Variants in SLC22A6 observed in about 807,000 individuals in gnomAD.
SLC22A6 encodes PAH transporter.
SLC22A6 carries 45 observed loss-of-function variants against 56.7 expected under a neutral mutation model. The observed-to-expected ratio is 0.79, with a 90% CI of 0.63 to 1.02. The LOEUF is 1.02. Ranked by LOEUF, SLC22A6 falls within the 50% of genes least tolerant of loss-of-function variation. The pLI is 0.00. For missense variants in SLC22A6, 606 were observed against 713.8 expected (o/e 0.85, Z 1.72); for synonymous variants, 291 against 295.9 (o/e 0.98, Z 0.17).
intron 8 of SLC22A6, among the ~76,000 whole-genome samples, chr11:62,979,066 A>G (rs1380973514): frequency 6.6e-6 from 1 of 152,250 alleles, no homozygotes; most frequent in Non-Finnish European, 1.5e-5. Context: ...GGATATTATC[A>G]GGAGTGAATC....
chr11:62,981,595 G>A (rs1401760708), intron 4 of SLC22A6, among the ~76,000 whole-genome samples: 2 of 152,202 alleles, frequency 1.3e-5, no homozygotes, highest in Admixed American at 6.5e-5. Context: ...GCTCTTGGTT[G>A]CGGGTAGGGG....
chr11:62,980,303 G>A (rs2086238225), intron 6 of SLC22A6, among the ~76,000 whole-genome samples: 1 of 152,222 alleles, frequency 6.6e-6, no homozygotes, highest in Non-Finnish European at 1.5e-5. Context: ...AGGCAGCTGG[G>A]AGAGTAGAGA....
chr11:62,981,615 A>G (rs1024701257), intron 4 of SLC22A6, among the ~76,000 whole-genome samples: 2 of 152,328 alleles, frequency 1.3e-5, no homozygotes, highest in South Asian at 4.1e-4. Context: ...GGAGCAGAGC[A>G]GGCAGGCTGG....
intron 1 of SLC22A6, 87 bp downstream of exon 1, chr11:62,984,235 A>C (rs1321519444): frequency 1.1e-5 from 16 of 1,484,242 alleles, no homozygotes; most frequent in Middle Eastern, 3.9e-4. Flanking sequence ...CTCAGCAGTT[A>C]ATTTCTCCAT....
intron 6 of SLC22A6, 62 bp downstream of exon 6, chr11:62,980,923 A>G: frequency 1.4e-6 from 2 of 1,402,492 alleles, no homozygotes; most frequent in East Asian, 2.3e-5. Context: ...TCTTTCACCC[A>G]TTGTGTCTCC....
Position 62,984,714 on chromosome 11 carries a change from TG to T in SLC22A6, c.-25del. The T allele has an allele frequency of 6.2e-7, 1 of 1,602,090 alleles. No individual in the cohort carries two copies. ...ATTGGGCCAGGCCCAGCCCAGTGGCTGGGGGCTGAGGCCTTCCAGTCCCAGG... is the reference window on the plus strand; with the variant it reads ...ATTGGGCCAGGCCCAGCCCAGTGGCTGGGGCTGAGGCCTTCCAGTCCCAGG... On this transcript the variant is annotated 5_prime_UTR_variant, in exon 1 of 10. Transcript: ENST00000360421.
Position 62,981,389 on chromosome 11 carries a change from A to C in SLC22A6, c.798-6T>G. On this transcript the variant is annotated splice_polypyrimidine_tract_variant and splice_region_variant and intron_variant, in intron 4 of 9. Coordinates refer to ENST00000360421, the MANE Select transcript of SLC22A6 (RefSeq NM_153276.3). ...GGGCCGACTCAATGAAGAACCTGGG[A>C]GCGGGGGTGGGGGTGGGTGTCAGCA... is the stretch of plus-strand genomic sequence containing the variant. 5.9e-5 allele frequency: 18 copies of C among 304,050 alleles called. No homozygotes were observed. The highest frequency in any genetic ancestry group is 4.2e-4 in the Middle Eastern group (1 of 2,364). 18.8% of individuals were successfully genotyped at this position (304,050 alleles called of 1,614,324 possible).
chr11:62,983,452 AGGAGGGGCAGGCTG>A lies in SLC22A6; in HGVS notation c.628+71_628+84del. On this transcript the variant is annotated intron_variant, in intron 3 of 9. Coordinates refer to ENST00000360421, the MANE Select transcript of SLC22A6 (RefSeq NM_153276.3). This position sits in a 1 kb window ranked among gnomAD's most constrained non-coding sequence, Gnocchi z 4.5. ...AGAGGCTGGAGGGCAGGCAGGGCTC[AGGAGGGGCAGGCTG>A]GGAGGGGAGGCTGGAAAGGGGTTGC... is the stretch of plus-strand genomic sequence containing the variant. 1 of 1,412,652 alleles carries A rather than the reference AGGAGGGGCAGGCTG, an allele frequency of 7.1e-7. No individual in the cohort carries two copies. Among genetic ancestry groups the A allele is most frequent in the Non-Finnish European group, 9.7e-7 (1 of 1,032,472 alleles). 87.5% of individuals were successfully genotyped at this position (1,412,652 alleles called of 1,614,324 possible).
intron 4 of SLC22A6, among the ~76,000 whole-genome samples, chr11:62,981,631 G>T (rs4149173): frequency 0.36 from 55,420 of 152,020 alleles, 10,389 homozygotes; most frequent in East Asian, 0.46. Flanking sequence ...GCTGGAGAAC[G>T]GAGTGGGGGA....
In SLC22A6 at chr11:62,984,773, G is replaced by C; in HGVS notation, c.-83C>G. ...TCTGTCTGCCTGCCTGCTGTCCTTC[G>C]CTGGAGGAGCAGCACTGCCGTTGCC... is the stretch of plus-strand genomic sequence containing the variant. On this transcript the variant is annotated 5_prime_UTR_variant, in exon 1 of 10. Transcript: ENST00000360421. 26 of 1,449,838 alleles carry C rather than the reference G, an allele frequency of 1.8e-5. No homozygotes were observed. The highest frequency in any genetic ancestry group is 2.4e-5 in the Non-Finnish European group (26 of 1,086,682). The allele number at this position is 1,449,838 out of a possible 1,614,324, so 89.8% of individuals were successfully genotyped here. A position where few individuals can be genotyped will look rare whatever the true frequency, so the allele number is the denominator to read the frequency against.
At chr11:62,984,225 C>T (rs2086289980) in intron 1 of SLC22A6, 97 bp downstream of exon 1, 4 of 1,458,156 alleles carry the variant, frequency 2.7e-6, no homozygotes, top group Non-Finnish European at 3.7e-6. Flanking sequence ...AGTTAAAAAA[C>T]TCAGCAGTTA....
Position 62,981,380 on chromosome 11 carries a change from G to T in SLC22A6, c.801C>A (p.Phe267Leu). The T allele has an allele frequency of 1.5e-6, 2 of 1,366,270 alleles. No homozygotes were observed. The highest frequency in any genetic ancestry group is 2.0e-6 in the Non-Finnish European group (2 of 1,019,784). The allele number at this position is 1,366,270 out of a possible 1,614,324, so 84.6% of individuals were successfully genotyped here. A position where few individuals can be genotyped will look rare whatever the true frequency, so the allele number is the denominator to read the frequency against. The change falls in exon 5 of 10, where the codon TTC becomes TTA. Residue 267 changes from phenylalanine (F) to leucine (L), a missense_variant. Coordinates refer to ENST00000360421, the MANE Select transcript of SLC22A6 (RefSeq NM_153276.3). ...PFFAFFIYSW[F>L]FIESARWHSS... ...AGTGCCAGCGGGCCGACTCAATGAAGAACCTGGGAGCGGGGGTGGGGGTGG... is the reference window on the plus strand; with the variant it reads ...AGTGCCAGCGGGCCGACTCAATGAATAACCTGGGAGCGGGGGTGGGGGTGG...
Position 62,977,241 on chromosome 11 carries a change from AG to A in SLC22A6, c.1507del (p.Leu503SerfsTer51), listed in dbSNP as rs1780836182. The A allele has an allele frequency of 6.2e-7, 1 of 1,614,128 alleles. No individual in the cohort carries two copies. Among genetic ancestry groups the A allele is most frequent in the Non-Finnish European group, 8.5e-7 (1 of 1,180,034 alleles). The part of the protein sequence containing the change: ...VPVAASAVTV[L>X]LPETLGQPLP... ...TGGCTGGCCCAGGGTCTCTGGCAGG[AG>A]GACAGTGACAGCGCTGGCGGCCACA... On this transcript the variant is annotated frameshift_variant, in exon 9 of 10. Coordinates refer to ENST00000360421, the MANE Select transcript of SLC22A6 (RefSeq NM_153276.3). LOFTEE classifies it high-confidence loss of function.
At position 62,984,848 on chromosome 11, in the gene SLC22A6, G is replaced by T; in HGVS notation, c.-158C>A. The stretch of plus-strand genomic sequence containing the variant: ...CTGAGTCCGAGCTGCTCTGTGGGGG[G>T]ACAGCAGCCTCCTTGGCTGCTCCTC... On this transcript the variant is annotated 5_prime_UTR_variant, in exon 1 of 10. Transcript: ENST00000360421. The T allele has an allele frequency of 8.6e-6, 6 of 694,396 alleles. No individual in the cohort carries two copies. Among genetic ancestry groups the T allele is most frequent in the Middle Eastern group, 4.1e-4 (1 of 2,438 alleles). 43.0% of individuals were successfully genotyped at this position (694,396 alleles called of 1,614,324 possible).
At position 62,983,972 on chromosome 11, in the gene SLC22A6, C is replaced by T; in HGVS notation, c.445G>A (p.Ala149Thr). 6.2e-7 allele frequency: 1 copy of T among 1,613,860 alleles called. No individual in the cohort carries two copies. Among genetic ancestry groups the T allele is most frequent in the South Asian group, 1.1e-5 (1 of 91,018 alleles). The change falls in exon 2 of 10, where the codon GCC becomes ACC. Residue 149 changes from alanine to threonine, a missense_variant. Transcript: ENST00000360421. This position sits in a 1 kb window ranked among gnomAD's most constrained non-coding sequence, Gnocchi z 4.5. Reference sequence around the variant, plus strand: ...TCTGCAAGGTAGCCGAACACCATGGCTCCGAGCAGCACCCCCACCATGTAC... The same window carrying T: ...TCTGCAAGGTAGCCGAACACCATGGTTCCGAGCAGCACCCCCACCATGTAC... The part of the protein sequence containing the change: ...SLYMVGVLLG[A>T]MVFGYLADRL...
At chr11:62,978,047 G>A (rs1012664487) in intron 8 of SLC22A6, among the ~76,000 whole-genome samples, 7 of 152,190 alleles carry the variant, frequency 4.6e-5, no homozygotes, top group Admixed American at 2.6e-4. Flanking sequence ...CAGCTTTCAC[G>A]TTTGTAAATG....
In SLC22A6 at chr11:62,976,892, GC is replaced by G. The variant is rs2086194982; in HGVS notation, c.1566-12del. The G allele has an allele frequency of 6.2e-7, 1 of 1,613,006 alleles. No homozygotes were observed. Among genetic ancestry groups the G allele is most frequent in the South Asian group, 1.1e-5 (1 of 90,922 alleles). On this transcript the variant is annotated splice_polypyrimidine_tract_variant and intron_variant, in intron 9 of 9. Transcript: ENST00000360421. ...GTCTGTTTCCCTTTCCTGCAGGGCG[GC>G]AGAAGAATGGCACTCTGGGTATGCA...
At chr11:62,981,186 G>A in intron 5 of SLC22A6, 74 bp downstream of exon 5, 10 of 1,603,238 alleles carry the variant, frequency 6.2e-6, no homozygotes, top group Non-Finnish European at 8.5e-6. Flanking sequence ...AGTTCCCTGG[G>A]CCCTGGGTCC....
In SLC22A6 at chr11:62,979,864, A is replaced by G; in HGVS notation, c.1122T>C (p.Phe374=). ...GCTTGGCAGGCAGGTCCACAGCACC[A>G]AAGATCACCTGGATTAGGTAGATGC... The part of the protein sequence containing the change: ...GVSIYLIQVI[F]GAVDLPAKLV... The change falls in exon 7 of 10, where the codon TTT becomes TTC. Residue 374 remains phenylalanine, a synonymous_variant. Coordinates refer to ENST00000360421, the MANE Select transcript of SLC22A6 (RefSeq NM_153276.3). 6.2e-7 allele frequency: 1 copy of G among 1,614,218 alleles called. No individual in the cohort carries two copies.
Sources: gnomAD v4.1 joint callset for allele counts (sites outside exome capture counted in the v4.1 genomes callset) on GRCh38, gnomAD v4.1.1 for gene constraint, Gnocchi (gnomAD v3.1) non-coding constraint, MANE v1.5 for transcripts, NCBI Gene and HGNC (gene_info 2026-07-23, HGNC 2026-07-21) for gene names.